Variants in OR6P1 observed in about 807,000 individuals in gnomAD.
OR6P1 encodes olfactory receptor 6P1.
OR6P1 carries 5 observed loss-of-function variants against 6.6 expected under a neutral mutation model. That is an observed-to-expected ratio of 0.76 (90% CI 0.40 to 1.60). The LOEUF (loss-of-function observed/expected upper bound fraction) is 1.60. Ranked by LOEUF, OR6P1 falls within the 40% of genes most tolerant of loss-of-function variation. The pLI is 0.02. For missense variants in OR6P1, 451 were observed against 383.0 expected, an observed-to-expected ratio of 1.18 and a Z score of -1.48; for synonymous variants, 177 against 149.6, an observed-to-expected ratio of 1.18 and a Z score of -1.33.
rs183934464 is a variant in OR6P1 at position 158,566,178 on chromosome 1, G to A, written c.-23+586C>T. 1.1e-3 allele frequency among the ~76,000 whole-genome samples: 175 copies of A among 152,260 alleles called. 4 individuals carry two copies. Among genetic ancestry groups the A allele is most frequent in the Admixed American group, 0.011 (165 of 15,278 alleles). ...GGGAAAGGAAAGGACACTTTCTCTAGCAGATCAATTTTAAGAGCTCTTAGA... is the reference window on the plus strand; with the variant it reads ...GGGAAAGGAAAGGACACTTTCTCTAACAGATCAATTTTAAGAGCTCTTAGA... On this transcript the variant is annotated intron_variant, in intron 2 of 2. Transcript: ENST00000641540.
Position 158,562,412 on chromosome 1 carries a change from G to T in OR6P1, c.*239C>A. Reference sequence around the variant, plus strand: ...AAGACTCTCCACATATTTTTTTGGGGGAATCTGTATTTTAACAAATTCCCA... The same window carrying T: ...AAGACTCTCCACATATTTTTTTGGGTGAATCTGTATTTTAACAAATTCCCA... On this transcript the variant is annotated 3_prime_UTR_variant, in exon 3 of 3. Coordinates refer to ENST00000641540, the MANE Select transcript of OR6P1 (RefSeq NM_001160325.2). The T allele has an allele frequency of 2.1e-6, 1 of 481,754 alleles. No individual in the cohort carries two copies. The highest frequency in any genetic ancestry group is 3.7e-6 in the Non-Finnish European group (1 of 268,936). The allele number at this position is 481,754 out of a possible 1,614,324, so 29.8% of individuals were successfully genotyped here.
At chr1:158,570,204 T>TA (rs1368355976) in intron 1 of OR6P1, among the ~76,000 whole-genome samples, 1 of 152,096 alleles carries the variant, frequency 6.6e-6, no homozygotes, top group Non-Finnish European at 1.5e-5. Context: ...CATTGCCACT[T>TA]AAAAAAAATC....
chr1:158,564,567 A>C (rs1648050028), intron 2 of OR6P1, among the ~76,000 whole-genome samples: 1 of 152,208 alleles, frequency 6.6e-6, no homozygotes, highest in East Asian at 1.9e-4. Context: ...TGATTTGGCC[A>C]CAAGATCTTT....
intron 1 of OR6P1, among the ~76,000 whole-genome samples, chr1:158,567,770 G>A (rs1231230671): frequency 7.7e-6 from 1 of 129,638 alleles, no homozygotes; most frequent in Non-Finnish European, 1.7e-5. Context: ...ATGTGCACAT[G>A]TACCCTAAAA....
At chr1:158,567,793 T>TAAATA (rs375171603) in intron 1 of OR6P1, among the ~76,000 whole-genome samples, 46 of 147,230 alleles carry the variant, frequency 3.1e-4, no homozygotes, top group African/African-American at 1.2e-3. Context: ...TAAAGTATAA[T>TAAATA]AATAAATAAA....
chr1:158,569,250 T>G (rs1048071996), intron 1 of OR6P1, among the ~76,000 whole-genome samples: 1 of 152,198 alleles, frequency 6.6e-6, no homozygotes. Context: ...CATGTAGATA[T>G]CACTTGGATC....
At chr1:158,570,037 T>C (rs1340779476) in intron 1 of OR6P1, among the ~76,000 whole-genome samples, 3 of 152,252 alleles carry the variant, frequency 2.0e-5, no homozygotes, top group Non-Finnish European at 4.4e-5. Flanking sequence ...GGTATTTCTT[T>C]GGGTCTTGCC....
At chr1:158,563,659 G>T in intron 2 of OR6P1, 33 bp from the exon 3 acceptor site, 2 of 1,162,464 alleles carry the variant, frequency 1.7e-6, no homozygotes, top group South Asian at 1.4e-5. Context: ...CAAGAGGTTT[G>T]AAAGATAGCT....
chr1:158,566,190 T>G (rs532308131), intron 2 of OR6P1, among the ~76,000 whole-genome samples: 1 of 152,248 alleles, frequency 6.6e-6, no homozygotes, highest in South Asian at 2.1e-4. Context: ...AGATCAATTT[T>G]AAGAGCTCTT....
In OR6P1 at chr1:158,563,411, T is replaced by A; in HGVS notation, c.194A>T (p.His65Leu). The A allele has an allele frequency of 6.4e-7, 1 of 1,551,190 alleles. No individual in the cohort carries two copies. Among genetic ancestry groups the A allele is most frequent in the Non-Finnish European group, 8.7e-7 (1 of 1,146,862 alleles). The change falls in exon 3 of 3, where the codon CAT becomes CTT. Residue 65 changes from histidine to leucine, a missense_variant. By Grantham distance (99) the His-to-Leu change is moderately conservative (BLOSUM62 -3). Transcript: ENST00000641540. The stretch of plus-strand genomic sequence containing the variant: ...GTACCATAGCTCCAGGAAAGAGAGA[T>A]GGCCAAGGAAAAAGTACATGGGACG... ...LHRPMYFFLG[H>L]LSFLELWYIN...
In OR6P1 at chr1:158,561,193, T is replaced by C. The variant is rs571573802; in HGVS notation, c.*1458A>G. 23 of 152,282 alleles carry C rather than the reference T, an allele frequency of 1.5e-4. No homozygotes were observed. In the South Asian group the frequency reaches 4.8e-3, roughly 32 times the overall value. 9.4% of individuals were successfully genotyped at this position (152,282 alleles called of 1,614,324 possible). Reference sequence around the variant, plus strand: ...TGTTATTAGTAAAGCCAGGATCAAATTGAAATTTGCTCGTTCTAGGGTCTG... The same window carrying C: ...TGTTATTAGTAAAGCCAGGATCAAACTGAAATTTGCTCGTTCTAGGGTCTG... On this transcript the variant is annotated 3_prime_UTR_variant, in exon 3 of 3. Transcript: ENST00000641540.
chr1:158,565,457 G>T (rs1465933584), intron 2 of OR6P1, among the ~76,000 whole-genome samples: 1 of 151,948 alleles, frequency 6.6e-6, no homozygotes, highest in African/African-American at 2.4e-5. Flanking sequence ...ATTTATAATT[G>T]CAAGTCTTTT....
At chr1:158,564,945 T>A (rs1276055333) in intron 2 of OR6P1, among the ~76,000 whole-genome samples, 1 of 152,258 alleles carries the variant, frequency 6.6e-6, no homozygotes, top group Non-Finnish European at 1.5e-5. Context: ...GGGTGACATG[T>A]CATTAAGCAT....
rs541606645 is a variant in OR6P1 at position 158,561,847 on chromosome 1, G to T, written c.*804C>A. ...ACACAATTTAAAATATTTCACTATC[G>T]GTATAGCCCTGGCACTAATTACTTA... On this transcript the variant is annotated 3_prime_UTR_variant, in exon 3 of 3. Coordinates refer to ENST00000641540, the MANE Select transcript of OR6P1 (RefSeq NM_001160325.2). The T allele has an allele frequency of 1.3e-5, 2 of 152,092 alleles. No homozygotes were observed. Among genetic ancestry groups the T allele is most frequent in the African/African-American group, 4.8e-5 (2 of 41,488 alleles). The allele number at this position is 152,092 out of a possible 1,614,324, so 9.4% of individuals were successfully genotyped here.
In OR6P1 at chr1:158,563,443, G is replaced by A. The variant is rs925296761; in HGVS notation, c.162C>T (p.Ser54=). The A allele has an allele frequency of 1.3e-6, 2 of 1,551,092 alleles. No homozygotes were observed. Among genetic ancestry groups the A allele is most frequent in the East Asian group, 2.4e-5 (1 of 40,890 alleles). ...LIVFTIWLAP[S]LHRPMYFFLG... The stretch of plus-strand genomic sequence containing the variant: ...GGAAAAAGTACATGGGACGATGAAG[G>A]CTTGGAGCAAGCCATATTGTGAAGA... Residue 54 remains serine, a synonymous_variant, in exon 3 of 3, where the codon AGC becomes AGT. Coordinates refer to ENST00000641540, the MANE Select transcript of OR6P1 (RefSeq NM_001160325.2).
chr1:158,563,826 AACT>A (rs1322067672), intron 2 of OR6P1, among the ~76,000 whole-genome samples, 200 bp from the exon 3 acceptor site: 4 of 152,294 alleles, frequency 2.6e-5, no homozygotes, highest in Admixed American at 1.3e-4. Context: ...TAGCAATCTT[AACT>A]ACAGTGGGTA....
chr1:158,565,912 C>T (rs1252945905), intron 2 of OR6P1, among the ~76,000 whole-genome samples: 1 of 152,114 alleles, frequency 6.6e-6, no homozygotes, highest in East Asian at 1.9e-4. Flanking sequence ...TATTCAGTAA[C>T]ATATCATCAA....
rs190353277 is a variant in OR6P1 at position 158,562,635 on chromosome 1, C to G, written c.*16G>C. ...AAGATTCTGCTATTTTCACCTCTCCCAAGACCTGTTGTATATCAGTCCTGA... is the reference window on the plus strand; with the variant it reads ...AAGATTCTGCTATTTTCACCTCTCCGAAGACCTGTTGTATATCAGTCCTGA... On this transcript the variant is annotated 3_prime_UTR_variant, in exon 3 of 3. Coordinates refer to ENST00000641540, the MANE Select transcript of OR6P1 (RefSeq NM_001160325.2). 180 of 1,468,158 alleles carry G rather than the reference C, an allele frequency of 1.2e-4. 2 individuals are homozygous for G. The East Asian group carries it at 4.0e-3, about 33-fold the overall frequency. 90.9% of individuals were successfully genotyped at this position (1,468,158 alleles called of 1,614,324 possible).
In OR6P1 at chr1:158,561,474, A is replaced by T. The variant is rs536820878; in HGVS notation, c.*1177T>A. Reference sequence around the variant, plus strand: ...CCTCAAAATCTGTCTCGGAATAGGCAAATGTGCACTGACCAACAATCCGTG... The same window carrying T: ...CCTCAAAATCTGTCTCGGAATAGGCTAATGTGCACTGACCAACAATCCGTG... On this transcript the variant is annotated 3_prime_UTR_variant, in exon 3 of 3. Coordinates refer to ENST00000641540, the MANE Select transcript of OR6P1 (RefSeq NM_001160325.2). 6.6e-6 allele frequency: 1 copy of T among 152,332 alleles called. No individual in the cohort carries two copies. Among genetic ancestry groups the T allele is most frequent in the South Asian group, 2.1e-4 (1 of 4,826 alleles). 9.4% of individuals were successfully genotyped at this position (152,332 alleles called of 1,614,324 possible).
Sources: gnomAD v4.1 joint callset for allele counts (sites outside exome capture counted in the v4.1 genomes callset) on GRCh38, gnomAD v4.1.1 for gene constraint, MANE v1.5 for transcripts, NCBI Gene and HGNC (gene_info 2026-07-23, HGNC 2026-07-21) for gene names.